LRRIQ1: variants seen among roughly 807,000 people sequenced by gnomAD.
LRRIQ1 encodes the protein leucine rich repeats and IQ motif containing 1, also known as leucine-rich repeat- and IQ domain-containing protein 1.
A neutral mutation model predicts 211.9 loss-of-function variants in LRRIQ1; 210 were observed. The ratio of observed to expected loss-of-function variants is 0.99; its 90% CI spans 0.89 to 1.11. The LOEUF is 1.11. Among genes scored for constraint, LRRIQ1 ranks in the 50% most tolerant of loss-of-function variants. LRRIQ1 has a pLI of 0.00. For missense variants in LRRIQ1, 2,136 were observed against 1,939.5 expected, an observed-to-expected ratio of 1.10 and a Z score of -1.90; for synonymous variants, 699 against 650.1, an observed-to-expected ratio of 1.08 and a Z score of -1.14.
At chr12:85,038,014 TG>T (rs1270705985) in intron 1 of LRRIQ1, 138 bp from the exon 2 acceptor site, 1 of 417,892 alleles carries the variant, frequency 2.4e-6, no homozygotes, top group African/African-American at 2.1e-5. Flanking sequence ...GATAAAACAA[TG>T]TTTGGTGTAA....
chr12:85,056,456 A>C lies in LRRIQ1; in HGVS notation c.1663A>C (p.Ile555Leu), dbSNP rs148064791. The C allele has an allele frequency of 3.1e-6, 5 of 1,603,676 alleles. No individual in the cohort carries two copies. Among genetic ancestry groups the C allele is most frequent in the Non-Finnish European group, 4.2e-6 (5 of 1,177,314 alleles). Residue 555 changes from isoleucine (I) to leucine (L), a missense_variant, in exon 8 of 27, where the codon ATA becomes CTA. By Grantham distance (5) the Ile-to-Leu change is conservative. Coordinates refer to ENST00000393217, the MANE Select transcript of LRRIQ1 (RefSeq NM_001079910.2). ...TGAGAATACAGGACAAAAAACCCAG[A>C]TAATATTAGGACATAACCAAGAAAT... ...INENTGQKTQ[I>L]ILGHNQEISE...
chr12:85,241,234 T>C (rs924508304), intron 26 of LRRIQ1, among the ~76,000 whole-genome samples: 5 of 152,030 alleles, frequency 3.3e-5, no homozygotes, highest in Non-Finnish European at 7.4e-5. Context: ...TAAACTTCTA[T>C]GGGAGTTGAA....
chr12:85,189,793 A>G (rs1309249792), intron 24 of LRRIQ1, among the ~76,000 whole-genome samples: 4 of 146,516 alleles, frequency 2.7e-5, no homozygotes, highest in Non-Finnish European at 6.0e-5. Context: ...TATATTATTT[A>G]TTATATCTGT....
At chr12:85,181,778 A>G (rs1318504696) in intron 24 of LRRIQ1, among the ~76,000 whole-genome samples, 1 of 151,992 alleles carries the variant, frequency 6.6e-6, no homozygotes. Context: ...ATGTACATAC[A>G]TACATATTTC....
At chr12:85,238,967 CA>C (rs1895330749) in intron 26 of LRRIQ1, among the ~76,000 whole-genome samples, 1 of 151,874 alleles carries the variant, frequency 6.6e-6, no homozygotes, top group African/African-American at 2.4e-5. Context: ...TAAATATTAG[CA>C]ATAAAGTTTA....
intron 14 of LRRIQ1, 151 bp downstream of exon 14, chr12:85,104,228 T>G: frequency 2.4e-6 from 1 of 421,632 alleles, no homozygotes; most frequent in Non-Finnish European, 4.1e-6. Context: ...CACTTGAAAT[T>G]TTATTTCCAC....
chr12:85,089,004 T>C (rs1240938978), intron 11 of LRRIQ1, among the ~76,000 whole-genome samples: 1 of 152,232 alleles, frequency 6.6e-6, no homozygotes, highest in Non-Finnish European at 1.5e-5. Flanking sequence ...AGAGAGGACA[T>C]CCTTGTCTTG....
intron 15 of LRRIQ1, among the ~76,000 whole-genome samples, chr12:85,108,022 T>C (rs1214180579): frequency 6.6e-6 from 1 of 152,166 alleles, no homozygotes. Flanking sequence ...AAGGTCTACT[T>C]GTATTGAATT....
chr12:85,226,100 T>C (rs1296901761), intron 24 of LRRIQ1, among the ~76,000 whole-genome samples: 1 of 152,208 alleles, frequency 6.6e-6, no homozygotes, highest in East Asian at 1.9e-4. Flanking sequence ...TCAGGAATTG[T>C]TTAGAACTTT....
chr12:85,099,800 C>A (rs908897181), intron 13 of LRRIQ1, among the ~76,000 whole-genome samples: 2 of 151,694 alleles, frequency 1.3e-5, no homozygotes, highest in African/African-American at 4.8e-5. Flanking sequence ...CATATAAAAT[C>A]ATCTCTCAAT....
chr12:85,118,313 G>A (rs761545831), intron 15 of LRRIQ1, among the ~76,000 whole-genome samples: 4 of 152,030 alleles, frequency 2.6e-5, no homozygotes, highest in African/African-American at 7.2e-5. Context: ...TTAGCAAAGC[G>A]TCAAGATTTT....
At chr12:85,223,925 A>G (rs1286919922) in intron 24 of LRRIQ1, among the ~76,000 whole-genome samples, 1 of 152,132 alleles carries the variant, frequency 6.6e-6, no homozygotes, top group East Asian at 1.9e-4. Flanking sequence ...CAGTATTGTT[A>G]TCAAATTATC....
At chr12:85,117,887 A>G (rs1262535622) in intron 15 of LRRIQ1, among the ~76,000 whole-genome samples, 1 of 152,196 alleles carries the variant, frequency 6.6e-6, no homozygotes, top group Non-Finnish European at 1.5e-5. Context: ...AGAAAACTTG[A>G]CTGAGTAATT....
At chr12:85,241,720 T>C (rs966781099) in intron 26 of LRRIQ1, among the ~76,000 whole-genome samples, 2 of 151,984 alleles carry the variant, frequency 1.3e-5, no homozygotes, top group African/African-American at 4.8e-5. Context: ...GCTTTCTCCC[T>C]TTATAAAGAA....
intron 24 of LRRIQ1, among the ~76,000 whole-genome samples, chr12:85,176,852 A>C (rs1049725618): frequency 6.6e-5 from 10 of 152,090 alleles, no homozygotes; most frequent in Non-Finnish European, 1.5e-4. Context: ...CTATGCATTA[A>C]ATTACTTATG....
chr12:85,220,559 A>G (rs1025382401), intron 24 of LRRIQ1, among the ~76,000 whole-genome samples: 1 of 151,556 alleles, frequency 6.6e-6, no homozygotes, highest in African/African-American at 2.4e-5. Context: ...GTATATTTCA[A>G]ACATTTTATA....
At chr12:85,047,173 A>G in intron 5 of LRRIQ1, 74 bp from the exon 6 acceptor site, 3 of 1,064,988 alleles carry the variant, frequency 2.8e-6, no homozygotes, top group Non-Finnish European at 4.0e-6. Context: ...TAAAAAAATT[A>G]CTTTTATACT....
intron 7 of LRRIQ1, 119 bp from the exon 8 acceptor site, chr12:85,055,428 T>TTTAG (rs1460760269): frequency 2.5e-6 from 2 of 793,580 alleles, no homozygotes; most frequent in African/African-American, 3.6e-5. Flanking sequence ...ATAAATTTTA[T>TTTAG]AGAAACTTTA....
chr12:85,270,279 T>C, the LRRIQ1 span, among the ~76,000 whole-genome samples: 1 of 152,126 alleles, frequency 6.6e-6, no homozygotes, highest in Non-Finnish European at 1.5e-5. Context: ...TTTTAAAAGG[T>C]AACTGTACTT....
Sources: gnomAD v4.1 joint callset for allele counts (sites outside exome capture counted in the v4.1 genomes callset) on GRCh38, gnomAD v4.1.1 for gene constraint, MANE v1.5 for transcripts, NCBI Gene and HGNC (gene_info 2026-07-23, HGNC 2026-07-21) for gene names.